ZNF841: variants seen among roughly 807,000 people sequenced by gnomAD.
ZNF841 encodes the protein zinc finger protein 841.
ZNF841 carries 11 observed loss-of-function variants against 13.0 expected under a neutral mutation model. The observed-to-expected ratio is 0.85, with a 90% CI of 0.53 to 1.40. The LOEUF (loss-of-function observed/expected upper bound fraction) is 1.40, where lower values mean the gene tolerates loss of function less well. Ranked by LOEUF, ZNF841 falls within the 40% of genes most tolerant of loss-of-function variation. The probability of loss-of-function intolerance (pLI) is 0.00; values close to 1 mark genes in which losing one functional copy is unlikely to be tolerated. For synonymous variants in ZNF841, 369 were observed against 381.6 expected (o/e 0.97, Z 0.38); for missense variants, 1,068 against 1,139.5 (o/e 0.94, Z 0.90).
chr19:52,058,552 GAGAA>G, the ZNF841 span: 27 of 152,318 alleles, frequency 1.8e-4, no homozygotes, highest in African/African-American at 5.3e-4. Flanking sequence ...CTTCTAGGTT[GAGAA>G]AGACTTAATT....
At chr19:52,090,427 T>C (rs2084133485) in intron 2 of ZNF841, among the ~76,000 whole-genome samples, 1 of 151,760 alleles carries the variant, frequency 6.6e-6, no homozygotes, top group Non-Finnish European at 1.5e-5. Context: ...GGTATGGTGG[T>C]GCATACCTGT....
Position 52,066,549 on chromosome 19 carries a change from C to A in ZNF841, c.1333G>T (p.Val445Leu). The change falls in exon 7 of 7, where the codon GTA becomes TTA. Residue 445 changes from valine to leucine, a missense_variant. Transcript: ENST00000594440. ...GKVFYQNSQL[V>L]RHQIIHTGET... Reference sequence around the variant, plus strand: ...CCAGTATGAATTATCTGGTGCCTTACAAGTTGTGAATTCTGATAAAAGACC... The same window carrying A: ...CCAGTATGAATTATCTGGTGCCTTAAAAGTTGTGAATTCTGATAAAAGACC... 2 of 1,613,550 alleles carry A rather than the reference C, an allele frequency of 1.2e-6. No individual in the cohort carries two copies. The highest frequency in any genetic ancestry group is 1.7e-6 in the Non-Finnish European group (2 of 1,179,742).
intron 2 of ZNF841, among the ~76,000 whole-genome samples, chr19:52,090,630 A>AGAAGGAAGGAAGGAAGGAAGGAAGGAAG (rs781211199): frequency 1.1e-5 from 1 of 90,562 alleles, no homozygotes; most frequent in African/African-American, 4.6e-5. Flanking sequence ...AAAGAAAGAA[A>AGAAGGAAGGAAGGAAGGAAGGAAGGAAG]GAAGGAAGGA....
chr19:52,090,654 GGAAAGAAA>G (rs60931653), intron 2 of ZNF841, among the ~76,000 whole-genome samples: 2,048 of 84,580 alleles, frequency 0.024, 28 homozygotes, highest in African/African-American at 0.036. Context: ...AAGGAAGGAA[GGAAAGAAA>G]GAAAGAAAGA....
intron 5 of ZNF841, 41 bp downstream of exon 5, chr19:52,076,917 A>G (rs1305154362): frequency 1.2e-6 from 2 of 1,604,812 alleles, no homozygotes; most frequent in East Asian, 2.3e-5. Context: ...ACAAAAATGC[A>G]CAAGGGAAGA....
chr19:52,059,799 G>C (rs867076371), downstream of ZNF841, among the ~76,000 whole-genome samples: 1 of 152,118 alleles, frequency 6.6e-6, no homozygotes, highest in Non-Finnish European at 1.5e-5. Flanking sequence ...CCACACCTAA[G>C]TAACAAAAGG....
downstream of ZNF841, chr19:52,064,353 CAAAAAAAAAAAAAAAA>C (rs56135758): frequency 5.4e-4 from 19 of 35,394 alleles, no homozygotes; most frequent in East Asian, 1.8e-3. Flanking sequence ...ACTCCGTCTC[CAAAAAAAAAAAAAAAA>C]AAAAAAAAAA....
chr19:52,081,312 T>G (rs922464488), intron 4 of ZNF841, among the ~76,000 whole-genome samples: 1 of 152,230 alleles, frequency 6.6e-6, no homozygotes, highest in Non-Finnish European at 1.5e-5. Flanking sequence ...TCAACACAGA[T>G]GAAACCATCC....
chr19:52,081,672 G>A (rs556717240), intron 4 of ZNF841, among the ~76,000 whole-genome samples: 2 of 152,282 alleles, frequency 1.3e-5, no homozygotes, highest in South Asian at 4.1e-4. Flanking sequence ...AGGGCAACAT[G>A]GCAAAATCCC....
Position 52,066,348 on chromosome 19 carries a change from G to C in ZNF841, c.1534C>G (p.Pro512Ala), listed in dbSNP as rs746423676. 2 of 1,614,008 alleles carry C rather than the reference G, an allele frequency of 1.2e-6. No homozygotes were observed. Among genetic ancestry groups the C allele is most frequent in the South Asian group, 2.2e-5 (2 of 91,076 alleles). The change falls in exon 7 of 7, where the codon CCT becomes GCT. Residue 512 changes from proline (P) to alanine (A), a missense_variant. Physicochemically the swap from Pro to Ala is conservative, Grantham distance 27. Transcript: ENST00000594440. Reference sequence around the variant, plus strand: ...TTGCCACATTCATTACATTTGTAAGGTTTCTCTCCAGTATGAACTCTCTGA... The same window carrying C: ...TTGCCACATTCATTACATTTGTAAGCTTTCTCTCCAGTATGAACTCTCTGA... ...VHQRVHTGEKPYKCNECGKAF... is the reference protein window; with the variant it reads ...VHQRVHTGEKAYKCNECGKAF...
chr19:52,064,400 T>A (rs1047909528), downstream of ZNF841: 4 of 141,586 alleles, frequency 2.8e-5, no homozygotes, highest in Non-Finnish European at 6.2e-5. Context: ...CTTAGCTATA[T>A]TCACTCCATG....
rs1391463676 is a variant in ZNF841 at position 52,066,517 on chromosome 19, T to G, written c.1365A>C (p.Thr455=). 6.2e-7 allele frequency: 1 copy of G among 1,613,926 alleles called. No homozygotes were observed. Residue 455 remains threonine, a synonymous_variant, in exon 7 of 7, where the codon ACA becomes ACC. Transcript: ENST00000594440. The part of the protein sequence containing the change: ...VRHQIIHTGE[T]PYKCNECGKV... Reference sequence around the variant, plus strand: ...TGCCACATTCATTACATTTGTAAGGTGTCTCTCCAGTATGAATTATCTGGT... The same window carrying G: ...TGCCACATTCATTACATTTGTAAGGGGTCTCTCCAGTATGAATTATCTGGT...
In ZNF841 at chr19:52,065,528, C is replaced by G; in HGVS notation, c.2354G>C (p.Ser785Thr). 1 of 1,613,430 alleles carries G rather than the reference C, an allele frequency of 6.2e-7. No homozygotes were observed. Among genetic ancestry groups the G allele is most frequent in the South Asian group, 1.1e-5 (1 of 91,026 alleles). ...GTAAGGTTTCTCTCCAGTATGAATA[C>G]TCCAATGACGTGCGAGGCCTGAGCG... ...RYRSGLARHW[S>T]IHTGEKPYKC... Residue 785 changes from serine (S) to threonine (T), a missense_variant, in exon 7 of 7, where the codon AGT (serine) becomes ACT (threonine). By Grantham distance (58) the Ser-to-Thr change is moderately conservative. Transcript: ENST00000594440.
At chr19:52,091,295 C>G (rs963858219) in intron 2 of ZNF841, among the ~76,000 whole-genome samples, 2 of 152,112 alleles carry the variant, frequency 1.3e-5, no homozygotes, top group Non-Finnish European at 2.9e-5. Flanking sequence ...AAATTCAGCA[C>G]AATCCCTATC....
intron 4 of ZNF841, among the ~76,000 whole-genome samples, chr19:52,083,911 A>C (rs1166406917): frequency 1.3e-5 from 2 of 150,402 alleles, no homozygotes; most frequent in African/African-American, 4.9e-5. Flanking sequence ...TACCATCCTT[A>C]TGTTGCATCA....
At chr19:52,092,944 C>T (rs565873317) in intron 2 of ZNF841, among the ~76,000 whole-genome samples, 1 of 152,170 alleles carries the variant, frequency 6.6e-6, no homozygotes, top group African/African-American at 2.4e-5. Flanking sequence ...CATGGTGAAA[C>T]CCTGTCTCTA....
intron 2 of ZNF841, among the ~76,000 whole-genome samples, chr19:52,093,451 C>T (rs1245345536): frequency 6.6e-6 from 1 of 152,122 alleles, no homozygotes; most frequent in Non-Finnish European, 1.5e-5. Context: ...GTTGTTGCCA[C>T]AGGCTGCTGG....
At chr19:52,067,642 A>G in intron 6 of ZNF841, 32 bp from the exon 7 acceptor site, 1 of 1,362,260 alleles carries the variant, frequency 7.3e-7, no homozygotes, top group Non-Finnish European at 9.8e-7. Flanking sequence ...GGGTTTTAAA[A>G]TAACTATTAT....
intron 3 of ZNF841, among the ~76,000 whole-genome samples, chr19:52,086,574 A>C (rs1298907818): frequency 6.6e-6 from 1 of 152,190 alleles, no homozygotes; most frequent in Non-Finnish European, 1.5e-5. Flanking sequence ...ATAGCAATTC[A>C]AGAATGGACT....
Sources: allele counts gnomAD v4.1 joint callset (sites outside exome capture counted in the v4.1 genomes callset), GRCh38; gene constraint gnomAD v4.1.1; transcripts MANE v1.5; gene names NCBI Gene and HGNC (gene_info 2026-07-23, HGNC 2026-07-21).